Variants in ERBB4 observed in about 807,000 individuals in gnomAD.
The protein encoded by ERBB4 is erb-b2 receptor tyrosine kinase 4.
Under a neutral mutation model 158.0 loss-of-function variants are expected in ERBB4, and 42 were observed. That is an observed-to-expected ratio of 0.27 (90% confidence interval 0.21 to 0.34). The LOEUF (loss-of-function observed/expected upper bound fraction) is 0.34. Among genes scored for constraint, ERBB4 ranks in the 10% least tolerant of loss-of-function variants. ERBB4 has a pLI of 1.00. For missense variants in ERBB4, 1,333 were observed against 1,624.1 expected, an observed-to-expected ratio of 0.82 and a Z score of 3.08; for synonymous variants, 583 against 558.7, an observed-to-expected ratio of 1.04 and a Z score of -0.61.
intron 1 of ERBB4, among the ~76,000 whole-genome samples, chr2:212,152,892 A>AGT (rs989337331): frequency 5.3e-5 from 8 of 152,162 alleles, no homozygotes; most frequent in African/African-American, 1.9e-4. Context: ...CAGAAGTAAG[A>AGT]GTGTGTAGTT....
chr2:212,150,563 C>T (rs1263197495), intron 1 of ERBB4, among the ~76,000 whole-genome samples: 1 of 152,130 alleles, frequency 6.6e-6, no homozygotes, highest in Non-Finnish European at 1.5e-5. Context: ...CTCGATCCTC[C>T]TTTGCCTTAC....
chr2:211,397,718 C>T (rs897050478), intron 25 of ERBB4, among the ~76,000 whole-genome samples: 1 of 152,162 alleles, frequency 6.6e-6, no homozygotes, highest in African/African-American at 2.4e-5. Context: ...AGAATTATTT[C>T]TGGGCCCATT....
At chr2:212,424,721 T>G (rs760158931) in intron 1 of ERBB4, among the ~76,000 whole-genome samples, 3 of 152,118 alleles carry the variant, frequency 2.0e-5, no homozygotes, top group Non-Finnish European at 2.9e-5. Flanking sequence ...TGTTTTCTTT[T>G]TTTGTTTGTT....
At chr2:211,832,224 T>A (rs13426904) in intron 3 of ERBB4, among the ~76,000 whole-genome samples, 2 of 151,994 alleles carry the variant, frequency 1.3e-5, no homozygotes, top group Middle Eastern at 3.2e-3. Context: ...CTCCACAGAC[T>A]TGACATATAA....
chr2:211,750,008 C>T (rs1004369683), intron 5 of ERBB4, among the ~76,000 whole-genome samples: 2 of 151,198 alleles, frequency 1.3e-5, no homozygotes, highest in African/African-American at 4.9e-5. Flanking sequence ...ATTAAGAATG[C>T]TGAAAAAAAA....
At chr2:211,567,373 T>C (rs1004696932) in intron 19 of ERBB4, among the ~76,000 whole-genome samples, 1 of 152,214 alleles carries the variant, frequency 6.6e-6, no homozygotes, top group Non-Finnish European at 1.5e-5. Flanking sequence ...TATGCTTTGC[T>C]TCCTGAGAAG....
At chr2:212,389,727 A>G (rs936543193) in intron 1 of ERBB4, among the ~76,000 whole-genome samples, 2 of 151,982 alleles carry the variant, frequency 1.3e-5, no homozygotes. Context: ...TGTTGAGCAT[A>G]TATTGTGTAC....
chr2:211,901,143 A>C (rs1301110172), intron 3 of ERBB4, among the ~76,000 whole-genome samples: 1 of 152,126 alleles, frequency 6.6e-6, no homozygotes, highest in Non-Finnish European at 1.5e-5. Flanking sequence ...GCTTCTCTCA[A>C]AGAGTGGTAG....
chr2:211,482,727 G>T (rs2065115296), intron 20 of ERBB4, among the ~76,000 whole-genome samples: 1 of 152,106 alleles, frequency 6.6e-6, no homozygotes. Context: ...ACAACATGGA[G>T]AAACCCTGTC....
chr2:212,089,190 A>G (rs570596587), intron 2 of ERBB4, among the ~76,000 whole-genome samples: 1 of 152,260 alleles, frequency 6.6e-6, no homozygotes, highest in East Asian at 1.9e-4. Context: ...AAATAGCTTT[A>G]TTTTTTAAAA....
At chr2:211,706,071 A>G (rs1651569408) in intron 9 of ERBB4, among the ~76,000 whole-genome samples, 1 of 152,144 alleles carries the variant, frequency 6.6e-6, no homozygotes, top group Non-Finnish European at 1.5e-5. Context: ...AGAAATCCAC[A>G]GTAAGTTTTA....
intron 2 of ERBB4, among the ~76,000 whole-genome samples, chr2:212,062,442 G>T (rs2077807798): frequency 2.9e-5 from 3 of 104,056 alleles, no homozygotes; most frequent in African/African-American, 7.2e-5. Context: ...TTTTTGAGAT[G>T]GAGTCTCACT....
intron 1 of ERBB4, among the ~76,000 whole-genome samples, chr2:212,386,866 C>T (rs2090693678): frequency 6.6e-6 from 1 of 152,096 alleles, no homozygotes; most frequent in Admixed American, 6.6e-5. Context: ...TTATGGATCT[C>T]TCTGATTATC....
At chr2:212,129,129 A>C (rs1190034606) in intron 1 of ERBB4, among the ~76,000 whole-genome samples, 1 of 151,916 alleles carries the variant, frequency 6.6e-6, no homozygotes, top group African/African-American at 2.4e-5. Context: ...TCCATTAATA[A>C]ATTTGCTGCA....
rs56124753 is a variant in ERBB4 at position 211,416,066 on chromosome 2, A to AGGT, written c.3135+4374_3135+4375insACC. ...AGAGTTAGCTGATATGTTTTGACAG[A>AGGT]GGAGCATTTAATCTTAAAACTATTG... On this transcript the variant is annotated intron_variant, in intron 25 of 27. Coordinates refer to ENST00000342788, the MANE Select transcript of ERBB4 (RefSeq NM_005235.3). Among the ~76,000 whole-genome samples the AGGT allele has an allele frequency of 5.8e-3, 884 of 152,340 alleles. 10 individuals carry two copies. The highest frequency in any genetic ancestry group is 0.018 in the South Asian group (85 of 4,832).
chr2:211,888,041 A>T (rs1424703724), intron 3 of ERBB4, among the ~76,000 whole-genome samples: 1 of 152,182 alleles, frequency 6.6e-6, no homozygotes, highest in Non-Finnish European at 1.5e-5. Flanking sequence ...ATATTCCCCC[A>T]GGCCAATGCA....
intron 2 of ERBB4, among the ~76,000 whole-genome samples, chr2:212,060,161 C>G (rs926286037): frequency 6.6e-6 from 1 of 152,142 alleles, no homozygotes; most frequent in Non-Finnish European, 1.5e-5. Context: ...TATGAACAGA[C>G]ACTTCTCAAA....
At chr2:212,512,707 A>G (rs1322358470) in intron 1 of ERBB4, among the ~76,000 whole-genome samples, 1 of 152,228 alleles carries the variant, frequency 6.6e-6, no homozygotes, top group East Asian at 1.9e-4. Context: ...CTAGTTTGAT[A>G]GGGTATCATG....
intron 20 of ERBB4, among the ~76,000 whole-genome samples, chr2:211,475,043 G>C (rs2064921075): frequency 6.6e-6 from 1 of 152,072 alleles, no homozygotes; most frequent in East Asian, 1.9e-4. Context: ...TGACAGGAAA[G>C]ACTCATAATT....
Sources: allele counts gnomAD v4.1 joint callset (sites outside exome capture counted in the v4.1 genomes callset), GRCh38; gene constraint gnomAD v4.1.1; transcripts MANE v1.5; gene names NCBI Gene and HGNC (gene_info 2026-07-23, HGNC 2026-07-21).